The following POLDIP3 variants were observed in gnomAD, a reference collection of about 807,000 sequenced individuals.
POLDIP3 encodes the protein polymerase delta-interacting protein 3.
POLDIP3 carries 14 observed loss-of-function variants against 45.1 expected under a neutral mutation model. The observed-to-expected ratio is 0.31, with a 90% CI of 0.20 to 0.49. POLDIP3 has a LOEUF of 0.49. POLDIP3 is among the 20% of genes least tolerant of loss of function. The pLI, the probability that POLDIP3 is intolerant of heterozygous loss-of-function variation, is 0.99. For synonymous variants in POLDIP3, 223 were observed against 205.2 expected, an observed-to-expected ratio of 1.09 and a Z score of -0.74; for missense variants, 511 against 538.8, an observed-to-expected ratio of 0.95 and a Z score of 0.51.
Position 42,585,707 on chromosome 22 carries a change from G to C in POLDIP3, c.*84C>G, listed in dbSNP as rs1046415122. ...TCCCACAATCAGGGGTCTCCAGTCC[G>C]ATGGCCCATTGGTCATAAGCTTTGC... On this transcript the variant is annotated 3_prime_UTR_variant, in exon 9 of 9. Transcript: ENST00000252115. 2.7e-6 allele frequency: 4 copies of C among 1,464,378 alleles called. No individual in the cohort carries two copies. In the East Asian group the frequency reaches 6.9e-5, roughly 25 times the overall value. 90.7% of individuals were successfully genotyped at this position (1,464,378 alleles called of 1,614,324 possible). A position where few individuals can be genotyped will look rare whatever the true frequency, so the allele number is the denominator to read the frequency against.
At chr22:42,591,348 C>T (rs1300399757) in intron 7 of POLDIP3, among the ~76,000 whole-genome samples, 1 of 152,108 alleles carries the variant, frequency 6.6e-6, no homozygotes, top group Non-Finnish European at 1.5e-5. Context: ...AGCCAAGGCT[C>T]CAGGTCTTTT....
At chr22:42,600,054 G>A (rs988000396) in intron 3 of POLDIP3, among the ~76,000 whole-genome samples, 8 of 152,256 alleles carry the variant, frequency 5.3e-5, no homozygotes, top group African/African-American at 1.9e-4. Flanking sequence ...TGTACCAAGA[G>A]TCCCTAAAAT....
At chr22:42,592,423 A>G (rs1413677383) in intron 6 of POLDIP3, among the ~76,000 whole-genome samples, 2 of 152,262 alleles carry the variant, frequency 1.3e-5, no homozygotes, top group African/African-American at 4.8e-5. Flanking sequence ...GAATACATGT[A>G]TACAAAGAAA....
At chr22:42,608,203 T>C (rs1050467727) in intron 1 of POLDIP3, among the ~76,000 whole-genome samples, 4 of 152,050 alleles carry the variant, frequency 2.6e-5, no homozygotes, top group Non-Finnish European at 5.9e-5. Flanking sequence ...CATTTTGTTC[T>C]GTACTAAGAA....
chr22:42,608,182 G>A (rs1288933000), intron 1 of POLDIP3, among the ~76,000 whole-genome samples: 1 of 152,120 alleles, frequency 6.6e-6, no homozygotes, highest in Non-Finnish European at 1.5e-5. Flanking sequence ...AGAAGTAGAC[G>A]TGGGAGACTT....
rs1447762712 is a variant in POLDIP3, at chr22:42,584,762, A to T, written c.*1029T>A. On this transcript the variant is annotated 3_prime_UTR_variant, in exon 9 of 9. Transcript: ENST00000252115. ...CATGGATGGATGGGGTCACTCACAT[A>T]AGTGGGAACAAACAGTGCCCCTTGG... The T allele has an allele frequency of 2.6e-6, 1 of 380,074 alleles. No homozygotes were observed. Among genetic ancestry groups the T allele is most frequent in the African/African-American group, 2.1e-5 (1 of 47,316 alleles). 23.5% of individuals were successfully genotyped at this position (380,074 alleles called of 1,614,324 possible). A position where few individuals can be genotyped will look rare whatever the true frequency, so the allele number is the denominator to read the frequency against.
In POLDIP3 at chr22:42,614,794, C is replaced by T. The variant is rs1569309095; in HGVS notation, c.59+5G>A. On this transcript the variant is annotated splice_donor_5th_base_variant and intron_variant, in intron 1 of 8. Transcript: ENST00000252115. ...TAAACCCCGAAGAAAGGAAAGGCCT[C>T]TCACCGTCCTTTCGCCGCCGCCCCG... 1 of 1,614,012 alleles carries T rather than the reference C, an allele frequency of 6.2e-7. No individual in the cohort carries two copies. The highest frequency in any genetic ancestry group is 1.7e-5 in the Admixed American group (1 of 60,032).
intron 7 of POLDIP3, 64 bp downstream of exon 7, chr22:42,591,891 C>G: frequency 6.2e-7 from 1 of 1,604,364 alleles, no homozygotes. Flanking sequence ...CCTGGAAGGC[C>G]TGCTACCTGA....
intron 1 of POLDIP3, among the ~76,000 whole-genome samples, chr22:42,605,395 C>A (rs758143166): frequency 6.6e-6 from 1 of 152,222 alleles, no homozygotes; most frequent in Non-Finnish European, 1.5e-5. Flanking sequence ...CAAAGCGTTA[C>A]GATTACAGGC....
rs369338847 is a variant in POLDIP3, at chr22:42,596,297, A to C, written c.702T>G (p.Asp234Glu). 9 of 1,614,104 alleles carry C rather than the reference A, an allele frequency of 5.6e-6. No homozygotes were observed. The South Asian group carries it at 8.8e-5, about 16-fold the overall frequency. The change falls in exon 5 of 9, where the codon GAT becomes GAG. Residue 234 changes from aspartate to glutamate, a missense_variant. Coordinates refer to ENST00000252115, the MANE Select transcript of POLDIP3 (RefSeq NM_032311.5). ...ALPLTKVVQNDAYTAPALPSS... is the reference protein window; with the variant it reads ...ALPLTKVVQNEAYTAPALPSS... ...AAGGGAGAGCAGGAGCTGTGTATGC[A>C]TCATTCTGAACCACTTTGGTGAGAG...
At chr22:42,604,030 T>C (rs1003900465) in intron 1 of POLDIP3, among the ~76,000 whole-genome samples, 1 of 152,108 alleles carries the variant, frequency 6.6e-6, no homozygotes, top group African/African-American at 2.4e-5. Flanking sequence ...GGCTTGAAAG[T>C]GAACAGAAGG....
At chr22:42,591,872 G>C in intron 7 of POLDIP3, 83 bp downstream of exon 7, 1 of 1,574,854 alleles carries the variant, frequency 6.3e-7, no homozygotes, top group Admixed American at 1.7e-5. Flanking sequence ...CCATCTCACA[G>C]AGACTTCCCC....
At chr22:42,597,778 C>CTTT in intron 4 of POLDIP3, 1 of 425,788 alleles carries the variant, frequency 2.3e-6, no homozygotes, top group Admixed American at 2.9e-5. Context: ...GCTTCACGAC[C>CTTT]TCTTTTTTTT....
At position 42,596,073 on chromosome 22, in the gene POLDIP3, G is replaced by C. The variant is rs150188453; in HGVS notation, c.813+113C>G. On this transcript the variant is annotated intron_variant, in intron 5 of 8. Transcript: ENST00000252115. ...CTAGGTCTTGGTTTGCTCATCTGTA[G>C]AATGGGGGTGGCAATGCCCACCTCA... The C allele has an allele frequency of 5.2e-3, 6,341 of 1,208,246 alleles. 25 individuals are homozygous for C. The highest frequency in any genetic ancestry group is 8.0e-3 in the Admixed American group (392 of 48,808). 74.8% of individuals were successfully genotyped at this position (1,208,246 alleles called of 1,614,324 possible). A position where few individuals can be genotyped will look rare whatever the true frequency, so the allele number is the denominator to read the frequency against.
At chr22:42,607,937 G>C (rs1014083122) in intron 1 of POLDIP3, among the ~76,000 whole-genome samples, 12 of 151,480 alleles carry the variant, frequency 7.9e-5, no homozygotes, top group East Asian at 1.9e-4. Context: ...GGAGGGAGGT[G>C]GGGGGCAGCC....
Position 42,602,878 on chromosome 22 carries a change from A to C in POLDIP3, c.342T>G (p.Val114=), listed in dbSNP as rs750819736. ...AGCTGATCTTCTCCCGGGCATCAGC[A>C]ACCTGGCGGGGCTTCTGGGGCACCG... ...QTTVPQKPRQ[V]ADAREKISLK... Residue 114 remains valine (V), a synonymous_variant, in exon 2 of 9, where the codon GTT becomes GTG. Transcript: ENST00000252115. The C allele has an allele frequency of 1.9e-6, 3 of 1,613,860 alleles. No individual in the cohort carries two copies. The highest frequency in any genetic ancestry group is 2.5e-6 in the Non-Finnish European group (3 of 1,179,998).
chr22:42,601,890 C>G, intron 3 of POLDIP3, 80 bp downstream of exon 3: 1 of 1,492,302 alleles, frequency 6.7e-7, no homozygotes, highest in Non-Finnish European at 9.1e-7. Flanking sequence ...CCCAAGTAGG[C>G]CTCATCAAAA....
At chr22:42,591,845 CCA>C in intron 7 of POLDIP3, 108 bp downstream of exon 7, 1 of 1,429,474 alleles carries the variant, frequency 7.0e-7, no homozygotes, top group Non-Finnish European at 9.7e-7. Context: ...AGACGAGGCC[CCA>C]GAGATGGGTT....
chr22:42,586,480 A>G (rs921307519), intron 8 of POLDIP3, among the ~76,000 whole-genome samples: 7 of 152,088 alleles, frequency 4.6e-5, no homozygotes, highest in African/African-American at 1.2e-4. Flanking sequence ...GGTGCATGCC[A>G]CCACACCTGG....
Sources: gnomAD v4.1 joint callset for allele counts (sites outside exome capture counted in the v4.1 genomes callset) on GRCh38, gnomAD v4.1.1 for gene constraint, MANE v1.5 for transcripts, NCBI Gene and HGNC (gene_info 2026-07-23, HGNC 2026-07-21) for gene names.